NKAIN2: variants seen among roughly 807,000 people sequenced by gnomAD.
NKAIN2 encodes the protein sodium/potassium transporting ATPase interacting 2.
A neutral mutation model predicts 32.6 loss-of-function variants in NKAIN2; 14 were observed. That is an observed-to-expected ratio of 0.43 (90% CI 0.28 to 0.67). The LOEUF is 0.67. NKAIN2 is among the 30% of genes least tolerant of loss of function. NKAIN2 has a pLI of 0.17. For missense variants in NKAIN2, 198 were observed against 258.3 expected (o/e 0.77, Z 1.60); for synonymous variants, 80 against 87.2 (o/e 0.92, Z 0.46).
intron 4 of NKAIN2, among the ~76,000 whole-genome samples, chr6:124,663,293 T>G (rs1784814267): frequency 6.6e-6 from 1 of 151,854 alleles, no homozygotes; most frequent in South Asian, 2.1e-4. Context: ...TAGCCAGGTG[T>G]GGTGGTGCAC....
chr6:124,694,391 G>T (rs1244956364), intron 4 of NKAIN2, among the ~76,000 whole-genome samples: 2 of 152,172 alleles, frequency 1.3e-5, no homozygotes, highest in African/African-American at 4.8e-5. Flanking sequence ...TGCATAAATT[G>T]CATAGGCAGT....
intron 3 of NKAIN2, among the ~76,000 whole-genome samples, chr6:124,569,443 C>T (rs1445795037): frequency 6.6e-6 from 1 of 152,132 alleles, no homozygotes; most frequent in Non-Finnish European, 1.5e-5. Flanking sequence ...TATGGTTTGG[C>T]TGTGTCCCCA....
intron 1 of NKAIN2, among the ~76,000 whole-genome samples, chr6:124,152,017 T>C (rs1787750986): frequency 6.6e-6 from 1 of 151,962 alleles, no homozygotes; most frequent in African/African-American, 2.4e-5. Flanking sequence ...ATTCTGTTTA[T>C]AAAATCCTTG....
intron 1 of NKAIN2, among the ~76,000 whole-genome samples, chr6:123,898,569 A>C (rs202246390): frequency 1.1e-5 from 1 of 90,796 alleles, no homozygotes; most frequent in Non-Finnish European, 2.4e-5. Flanking sequence ...TTTTTTTTTT[A>C]TTTCCTTCTA....
Position 124,651,756 on chromosome 6 carries a change from C to T in NKAIN2, c.274-6430C>T, listed in dbSNP as rs539567484. On this transcript the variant is annotated intron_variant, in intron 3 of 6. Coordinates refer to ENST00000368417, the MANE Select transcript of NKAIN2 (RefSeq NM_001040214.3). The stretch of plus-strand genomic sequence containing the variant: ...AGACCTGTCTCCCAAAATCATTCTG[C>T]CCTCCTACAGCTCTGGGTCTATGAT... Among the ~76,000 whole-genome samples, 9 of 152,244 alleles carry T rather than the reference C, an allele frequency of 5.9e-5. No homozygotes were observed. In the East Asian group the frequency reaches 1.7e-3, roughly 30 times the overall value.
intron 1 of NKAIN2, among the ~76,000 whole-genome samples, chr6:123,904,871 T>A (rs1421639907): frequency 6.6e-6 from 1 of 152,212 alleles, no homozygotes; most frequent in Non-Finnish European, 1.5e-5. Context: ...CAGCCTGGTC[T>A]GAGTTCTTTT....
intron 3 of NKAIN2, among the ~76,000 whole-genome samples, chr6:124,504,930 A>G (rs968633064): frequency 6.6e-6 from 1 of 152,234 alleles, no homozygotes; most frequent in Non-Finnish European, 1.5e-5. Context: ...AGCAGAGGCA[A>G]CTGTACTTCT....
At chr6:124,622,212 C>T (rs1186351412) in intron 3 of NKAIN2, among the ~76,000 whole-genome samples, 1 of 152,194 alleles carries the variant, frequency 6.6e-6, no homozygotes, top group African/African-American at 2.4e-5. Flanking sequence ...ATCTCTGCCT[C>T]CATCTTTGCA....
intron 2 of NKAIN2, among the ~76,000 whole-genome samples, chr6:124,346,759 G>C (rs1309971897): frequency 2.6e-5 from 4 of 151,982 alleles, no homozygotes; most frequent in Non-Finnish European, 4.4e-5. Context: ...CCTGAATACA[G>C]CACAATGATG....
intron 1 of NKAIN2, among the ~76,000 whole-genome samples, chr6:123,922,378 A>G (rs1404500524): frequency 6.6e-6 from 1 of 152,234 alleles, no homozygotes; most frequent in African/African-American, 2.4e-5. Context: ...TTGGGGAATG[A>G]AATGTTTTAC....
chr6:124,171,602 A>C (rs1788865398), intron 1 of NKAIN2, among the ~76,000 whole-genome samples: 1 of 115,746 alleles, frequency 8.6e-6, no homozygotes, highest in Non-Finnish European at 1.6e-5. Context: ...CCCAGGCTGG[A>C]GTGCAGTGGT....
At chr6:124,787,329 A>T (rs1410629942) in intron 4 of NKAIN2, among the ~76,000 whole-genome samples, 1 of 152,178 alleles carries the variant, frequency 6.6e-6, no homozygotes, top group Non-Finnish European at 1.5e-5. Context: ...ATAACAGTGA[A>T]TTAAAAAATT....
chr6:124,116,872 A>G (rs1390056502), intron 1 of NKAIN2, among the ~76,000 whole-genome samples: 1 of 152,124 alleles, frequency 6.6e-6, no homozygotes, highest in Non-Finnish European at 1.5e-5. Context: ...ATGTTTATGA[A>G]TGATGCAGAA....
intron 1 of NKAIN2, among the ~76,000 whole-genome samples, chr6:123,880,923 A>T (rs1773424274): frequency 6.6e-6 from 1 of 152,246 alleles, no homozygotes; most frequent in Admixed American, 6.5e-5. Flanking sequence ...TTTAGTGTGA[A>T]TGAAAAGAAT....
intron 3 of NKAIN2, among the ~76,000 whole-genome samples, chr6:124,615,195 A>G (rs1405299506): frequency 6.6e-6 from 1 of 152,182 alleles, no homozygotes; most frequent in East Asian, 1.9e-4. Flanking sequence ...CATTGCCCAT[A>G]TATCCCCCTT....
intron 1 of NKAIN2, among the ~76,000 whole-genome samples, chr6:123,955,590 T>TTTTTATTTTATTTTATTTTA (rs61369548): frequency 0.013 from 1,712 of 136,696 alleles, 44 homozygotes; most frequent in African/African-American, 0.043. Context: ...ATTTAAACAT[T>TTTTTATTTTATTTTATTTTA]TTTTATTTTA....
intron 1 of NKAIN2, among the ~76,000 whole-genome samples, chr6:124,258,999 A>G (rs1169891447): frequency 6.6e-6 from 1 of 152,146 alleles, no homozygotes; most frequent in Non-Finnish European, 1.5e-5. Context: ...TCCAGATGAA[A>G]GCACAGCCTC....
chr6:124,144,584 A>C (rs565715248), intron 1 of NKAIN2, among the ~76,000 whole-genome samples: 1 of 152,184 alleles, frequency 6.6e-6, no homozygotes, highest in South Asian at 2.1e-4. Flanking sequence ...CAATTAAAAA[A>C]AATAAAGAAT....
intron 1 of NKAIN2, among the ~76,000 whole-genome samples, chr6:123,937,004 T>C (rs1776541758): frequency 6.6e-6 from 1 of 152,002 alleles, no homozygotes; most frequent in Non-Finnish European, 1.5e-5. Flanking sequence ...GAAAAAACAA[T>C]CAGGTCTGTG....
Sources: allele counts gnomAD v4.1 joint callset (sites outside exome capture counted in the v4.1 genomes callset), GRCh38; gene constraint gnomAD v4.1.1; transcripts MANE v1.5; gene names NCBI Gene and HGNC (gene_info 2026-07-23, HGNC 2026-07-21).